Variants in FGF9 observed in about 807,000 individuals in gnomAD.
The protein encoded by FGF9 is fibroblast growth factor 9.
In FGF9, 3 loss-of-function variants were observed where a neutral mutation model predicts 19.9. That is an observed-to-expected ratio of 0.15 (90% CI 0.07 to 0.39). The LOEUF (loss-of-function observed/expected upper bound fraction) is 0.39. Ranked by LOEUF, FGF9 falls within the 10% of genes least tolerant of loss-of-function variation. The probability of loss-of-function intolerance (pLI) is 1.00; values close to 1 mark genes in which losing one functional copy is unlikely to be tolerated. For synonymous variants in FGF9, 107 were observed against 106.9 expected (o/e 1.00, Z -0.01); for missense variants, 175 against 256.8 (o/e 0.68, Z 2.18).
intron 1 of FGF9, among the ~76,000 whole-genome samples, chr13:21,675,271 T>G (rs2138128514): frequency 6.6e-6 from 1 of 152,136 alleles, no homozygotes; most frequent in Admixed American, 6.5e-5. Flanking sequence ...TATTTAAGTC[T>G]TTCATCCGGT....
At chr13:21,690,207 C>G (rs1431067645) in intron 2 of FGF9, among the ~76,000 whole-genome samples, 1 of 152,036 alleles carries the variant, frequency 6.6e-6, no homozygotes, top group Non-Finnish European at 1.5e-5. Context: ...ACACACTCTT[C>G]CATCCACACA....
At position 21,702,669 on chromosome 13, in the gene FGF9, T is replaced by C. The variant is rs1470659985; in HGVS notation, c.*1234T>C. On this transcript the variant is annotated 3_prime_UTR_variant, in exon 3 of 3. Transcript: ENST00000382353. ...AATCAGATTAACAGGATCATACTTG[T>C]AAACTTTTTTTGGTTCACTTGGCTA... The C allele has an allele frequency of 2.0e-5, 3 of 152,220 alleles. No individual in the cohort carries two copies. Among genetic ancestry groups the C allele is most frequent in the Non-Finnish European group, 4.4e-5 (3 of 68,040 alleles). The allele number at this position is 152,220 out of a possible 1,614,324, so 9.4% of individuals were successfully genotyped here.
chr13:21,693,957 C>T (rs1193808365), intron 2 of FGF9, among the ~76,000 whole-genome samples: 1 of 152,226 alleles, frequency 6.6e-6, no homozygotes, highest in Non-Finnish European at 1.5e-5. Context: ...TCCCTGTTTT[C>T]CAACTGCACT....
In FGF9 at chr13:21,671,142, G is replaced by A. The variant is rs1045450611; in HGVS notation, c.-771G>A. The stretch of plus-strand genomic sequence containing the variant: ...CCCGGCTACAACGCTCCGCGAGCCG[G>A]CGCGGCAACACCTGTTCGCGGCAGC... On this transcript the variant is annotated 5_prime_UTR_variant, in exon 1 of 3. Transcript: ENST00000382353. Among the ~76,000 whole-genome samples, 7 of 152,326 alleles carry A rather than the reference G, an allele frequency of 4.6e-5. No individual in the cohort carries two copies. The highest frequency in any genetic ancestry group is 3.4e-3 in the Middle Eastern group (1 of 292).
chr13:21,682,626 G>C (rs1337224049), intron 2 of FGF9, among the ~76,000 whole-genome samples: 3 of 146,872 alleles, frequency 2.0e-5, no homozygotes, highest in Non-Finnish European at 4.5e-5. Context: ...TGTGAAAAAA[G>C]ATAAGATACA....
At chr13:21,698,049 C>A (rs1294405770) in intron 2 of FGF9, among the ~76,000 whole-genome samples, 2 of 152,140 alleles carry the variant, frequency 1.3e-5, no homozygotes, top group African/African-American at 2.4e-5. Flanking sequence ...ACCTCGTGAT[C>A]CGCCCGCCTC....
chr13:21,688,157 G>A (rs143886389), intron 2 of FGF9, among the ~76,000 whole-genome samples: 5 of 152,340 alleles, frequency 3.3e-5, no homozygotes, highest in Non-Finnish European at 5.9e-5. Context: ...TTATGTGTTC[G>A]TGGAACAGGA....
chr13:21,701,538 G>T lies in FGF9; in HGVS notation c.*103G>T. 4 of 1,517,700 alleles carry T rather than the reference G, an allele frequency of 2.6e-6. No homozygotes were observed. Among genetic ancestry groups the T allele is most frequent in the Non-Finnish European group, 3.7e-6 (4 of 1,095,096 alleles). 94.0% of individuals were successfully genotyped at this position (1,517,700 alleles called of 1,614,324 possible). ...GCTGTGTCATCACATCAGCTCCACT[G>T]TTGCCAAACTTTGTCGCATGCATAA... is the stretch of plus-strand genomic sequence containing the variant. On this transcript the variant is annotated 3_prime_UTR_variant, in exon 3 of 3. Transcript: ENST00000382353.
At chr13:21,678,610 G>A (rs1400066277) in intron 1 of FGF9, among the ~76,000 whole-genome samples, 1 of 152,064 alleles carries the variant, frequency 6.6e-6, no homozygotes, top group Non-Finnish European at 1.5e-5. Flanking sequence ...GAAATCACAT[G>A]CACCTTATTC....
intron 2 of FGF9, among the ~76,000 whole-genome samples, chr13:21,688,102 T>A (rs1872202619): frequency 6.6e-6 from 1 of 152,172 alleles, no homozygotes; most frequent in African/African-American, 2.4e-5. Context: ...CGTCAGGTGC[T>A]CTGCAGGAGC....
In FGF9 at chr13:21,703,363, C is replaced by G. The variant is rs1466022066; in HGVS notation, c.*1928C>G. On this transcript the variant is annotated 3_prime_UTR_variant, in exon 3 of 3. Coordinates refer to ENST00000382353, the MANE Select transcript of FGF9 (RefSeq NM_002010.3). ...CCTTTCTGTGGTCCAAGTTGGAGTA[C>G]ATGGCAATGCCCTCCTGCTGATGTG... 6.6e-6 allele frequency: 1 copy of G among 152,152 alleles called. No homozygotes were observed. Among genetic ancestry groups the G allele is most frequent in the Non-Finnish European group, 1.5e-5 (1 of 68,032 alleles). 9.4% of individuals were successfully genotyped at this position (152,152 alleles called of 1,614,324 possible). A position where few individuals can be genotyped will look rare whatever the true frequency, so the allele number is the denominator to read the frequency against.
In FGF9 at chr13:21,701,384, G is replaced by A. The variant is rs866384101; in HGVS notation, c.576G>A (p.Val192=). The A allele has an allele frequency of 8.1e-6, 13 of 1,613,686 alleles. No individual in the cohort carries two copies. In the African/African-American group the frequency reaches 1.5e-4, roughly 18 times the overall value. ...TCACACATTTTTTACCTAGACCAGTGGACCCCGACAAAGTACCTGAACTGT... is the reference window on the plus strand; with the variant it reads ...TCACACATTTTTTACCTAGACCAGTAGACCCCGACAAAGTACCTGAACTGT... ...QKFTHFLPRP[V]DPDKVPELYK... is the part of the protein sequence containing the mutation. The change falls in exon 3 of 3, where the codon GTG becomes GTA. Residue 192 remains valine, a synonymous_variant. Transcript: ENST00000382353.
rs751136069 is a variant in FGF9 at position 21,672,024 on chromosome 13, G to C, written c.112G>C (p.Gly38Arg). Residue 38 changes from glycine to arginine, a missense_variant, in exon 1 of 3, where the codon GGT becomes CGT. By Grantham distance (125) the Gly-to-Arg change is moderately radical. Coordinates refer to ENST00000382353, the MANE Select transcript of FGF9 (RefSeq NM_002010.3). The surrounding 1 kb of genome is among the most constrained non-coding windows in gnomAD (Gnocchi z 4.2). Reference protein sequence around the residue: ...DSPVLLSDHLGQSEAGGLPRG... With the variant: ...DSPVLLSDHLRQSEAGGLPRG... ...CCCGGTTTTGTTAAGTGACCACCTG[G>C]GTCAGTCCGAAGCAGGGGGGCTCCC... 4 of 1,614,206 alleles carry C rather than the reference G, an allele frequency of 2.5e-6. 1 individual carries two copies. The South Asian group carries it at 4.4e-5, about 18-fold the overall frequency.
intron 2 of FGF9, among the ~76,000 whole-genome samples, chr13:21,683,764 A>C (rs538135216): frequency 6.6e-6 from 1 of 152,352 alleles, no homozygotes; most frequent in South Asian, 2.1e-4. Context: ...AAACGTCTTC[A>C]GCTGCTTCCT....
At chr13:21,683,979 C>T (rs564931226) in intron 2 of FGF9, among the ~76,000 whole-genome samples, 40 of 152,378 alleles carry the variant, frequency 2.6e-4, no homozygotes, top group Non-Finnish European at 5.1e-4. Context: ...CCCTGTGTGC[C>T]TCTTTGCCTA....
rs1871756636 is a variant in FGF9, at chr13:21,671,178, C to A, written c.-735C>A. On this transcript the variant is annotated 5_prime_UTR_variant, in exon 1 of 3. Coordinates refer to ENST00000382353, the MANE Select transcript of FGF9 (RefSeq NM_002010.3). ...CCTGTTCGCGGCAGCCTGGGCGGCA[C>A]GCGAGCTCCCGGACGCGGCTCTCCT... Among the ~76,000 whole-genome samples, 1 of 152,260 alleles carries A rather than the reference C, an allele frequency of 6.6e-6. No homozygotes were observed. The highest frequency in any genetic ancestry group is 1.5e-5 in the Non-Finnish European group (1 of 68,040).
chr13:21,678,132 A>T (rs549137009), intron 1 of FGF9, among the ~76,000 whole-genome samples: 2 of 152,330 alleles, frequency 1.3e-5, no homozygotes, highest in African/African-American at 4.8e-5. Flanking sequence ...CTTGGCTTAT[A>T]ATAAACCCTC....
intron 2 of FGF9, among the ~76,000 whole-genome samples, chr13:21,685,025 G>A (rs1872127164): frequency 6.6e-6 from 1 of 152,152 alleles, no homozygotes; most frequent in Non-Finnish European, 1.5e-5. Context: ...ATCATGCCTC[G>A]TGTGGCAGTG....
intron 2 of FGF9, among the ~76,000 whole-genome samples, chr13:21,688,064 T>C (rs1187356581): frequency 6.6e-6 from 1 of 152,178 alleles, no homozygotes; most frequent in Non-Finnish European, 1.5e-5. Context: ...GGCCAACCCA[T>C]GCAGTTCATC....
Sources: gnomAD v4.1 joint callset for allele counts (sites outside exome capture counted in the v4.1 genomes callset) on GRCh38, gnomAD v4.1.1 for gene constraint, Gnocchi (gnomAD v3.1) non-coding constraint, MANE v1.5 for transcripts, NCBI Gene and HGNC (gene_info 2026-07-23, HGNC 2026-07-21) for gene names.